NLRP12: variants seen among roughly 807,000 people sequenced by gnomAD.
NLRP12 encodes NACHT, LRR and PYD domains-containing protein 12.
NLRP12 carries 108 observed loss-of-function variants against 91.2 expected under a neutral mutation model. The observed-to-expected ratio is 1.18, with a 90% CI of 1.01 to 1.39. The LOEUF (loss-of-function observed/expected upper bound fraction) is 1.39. Among genes scored for constraint, NLRP12 ranks in the 40% most tolerant of loss-of-function variants. NLRP12 has a pLI of 0.00. For missense variants in NLRP12, 1,530 were observed against 1,352.7 expected, an observed-to-expected ratio of 1.13 and a Z score of -2.06; for synonymous variants, 613 against 566.7, an observed-to-expected ratio of 1.08 and a Z score of -1.16.
At chr19:53,807,421 G>T in intron 4 of NLRP12, 74 bp downstream of exon 4, 1 of 1,446,498 alleles carries the variant, frequency 6.9e-7, no homozygotes, top group Non-Finnish European at 9.6e-7. Context: ...TCCCGTGATA[G>T]AACCTTTGTG....
intron 1 of NLRP12, among the ~76,000 whole-genome samples, chr19:53,818,683 A>G (rs2092200469): frequency 6.6e-6 from 1 of 152,034 alleles, no homozygotes. Context: ...AAATAAATAA[A>G]AATAAAAAAG....
At chr19:53,821,040 T>C (rs1199774191) in intron 1 of NLRP12, among the ~76,000 whole-genome samples, 6 of 133,232 alleles carry the variant, frequency 4.5e-5, no homozygotes, top group Middle Eastern at 3.6e-3. Context: ...TCTTTTTTTT[T>C]TTTTTTTTTT....
chr19:53,804,152 G>A (rs764445281), intron 5 of NLRP12, 30 bp from the exon 6 acceptor site: 17 of 1,611,528 alleles, frequency 1.1e-5, no homozygotes, highest in South Asian at 6.6e-5. Context: ...TGAAGGGGAC[G>A]CCATCTTGCT....
At chr19:53,821,062 G>C in intron 1 of NLRP12, among the ~76,000 whole-genome samples, 1 of 115,888 alleles carries the variant, frequency 8.6e-6, no homozygotes, top group East Asian at 2.5e-4. Context: ...TTGAGACAGA[G>C]TCTTACTCTG....
rs749121723 is a variant in NLRP12 at position 53,794,050 on chromosome 19, C to T, written c.3185G>A (p.Ter1062=). ...VTKPYLDIGC[*] is the part of the protein sequence containing the mutation. ...GGGAGAGCCAGCAGATAGGACCATTCAGCAGCCAATGTCCAAATAAGGTTT... is the reference window on the plus strand; with the variant it reads ...GGGAGAGCCAGCAGATAGGACCATTTAGCAGCCAATGTCCAAATAAGGTTT... Residue 1062 remains the stop codon, a stop_retained_variant, in exon 10 of 10, where the codon TGA becomes TAA. Transcript: ENST00000324134. The T allele has an allele frequency of 1.2e-6, 2 of 1,611,402 alleles. No individual in the cohort carries two copies. Among genetic ancestry groups the T allele is most frequent in the Non-Finnish European group, 1.7e-6 (2 of 1,177,510 alleles).
chr19:53,799,302 G>A (rs918195801), intron 7 of NLRP12, among the ~76,000 whole-genome samples: 4 of 151,600 alleles, frequency 2.6e-5, no homozygotes, highest in African/African-American at 4.8e-5. Flanking sequence ...GAGCCACCGC[G>A]CCCAGCCGCG....
Position 53,795,919 on chromosome 19 carries a change from G to C in NLRP12, c.3038C>G (p.Thr1013Arg), listed in dbSNP as rs538392013. ...CCGCTTGCAAAGCAGTCGGACACCT[G>C]TGTCCCCTAGGGCGTTGTTGGTCAG... is the stretch of plus-strand genomic sequence containing the variant. ...LYLTNNALGD[T>R]GVRLLCKRLS... The change falls in exon 9 of 10, where the codon ACA (threonine) becomes AGA (arginine). Residue 1013 changes from threonine to arginine, a missense_variant. Coordinates refer to ENST00000324134, the MANE Select transcript of NLRP12 (RefSeq NM_144687.4). The C allele has an allele frequency of 6.2e-7, 1 of 1,614,002 alleles. No homozygotes were observed. The highest frequency in any genetic ancestry group is 1.7e-5 in the Admixed American group (1 of 59,970).
upstream of NLRP12, chr19:53,824,329 A>C (rs561400746): frequency 1.4e-6 from 1 of 713,812 alleles, no homozygotes; most frequent in Non-Finnish European, 2.4e-6. Context: ...AAGGGAGGAA[A>C]GACCTTTTGC....
rs139428590 is a variant in NLRP12 at position 53,807,936 on chromosome 19, G to A, written c.2073-271C>T. The A allele has an allele frequency of 1.3e-3, 546 of 419,080 alleles. 1 individual carries two copies. The highest frequency in any genetic ancestry group is 0.01 in the African/African-American group (504 of 49,180). 26.0% of individuals were successfully genotyped at this position (419,080 alleles called of 1,614,324 possible). A position where few individuals can be genotyped will look rare whatever the true frequency, so the allele number is the denominator to read the frequency against. On this transcript the variant is annotated intron_variant, in intron 3 of 9. Transcript: ENST00000324134. ...CAGTTAATTTTGTATTTTTAGTAGA[G>A]ATGGGGTTTCACCGTGTTGGCCAGG... is the stretch of plus-strand genomic sequence containing the variant.
In NLRP12 at chr19:53,811,097, C is replaced by A; in HGVS notation, c.562G>T (p.Gly188Ter). The part of the protein sequence containing the change: ...DTGRGHARTV[G>*]HQASPIKIET... ...ATCTTGATGGGGCTAGCCTGGTGTC[C>A]CACGGTCCTCGCGTGTCCCCGGCCT... Residue 188 changes from glycine (G) to a stop codon, truncating the protein, a stop_gained, in exon 3 of 10, where the codon GGA (glycine) becomes TGA (stop). Coordinates refer to ENST00000324134, the MANE Select transcript of NLRP12 (RefSeq NM_144687.4). LOFTEE classifies it high-confidence loss of function. The A allele has an allele frequency of 6.2e-7, 1 of 1,613,864 alleles. No individual in the cohort carries two copies. Among genetic ancestry groups the A allele is most frequent in the Non-Finnish European group, 8.5e-7 (1 of 1,179,846 alleles).
chr19:53,794,414 G>C (rs6509818), intron 9 of NLRP12, among the ~76,000 whole-genome samples: 1 of 149,298 alleles, frequency 6.7e-6, no homozygotes, highest in African/African-American at 2.5e-5. Flanking sequence ...CCACCTCCCA[G>C]GTTCAAGCGA....
Position 53,798,101 on chromosome 19 carries a change from T to C in NLRP12, c.2927+142A>G, listed in dbSNP as rs2091801449. 7 of 1,002,000 alleles carry C rather than the reference T, an allele frequency of 7.0e-6. No individual in the cohort carries two copies. In the Admixed American group the frequency reaches 7.9e-5, roughly 11 times the overall value. 62.1% of individuals were successfully genotyped at this position (1,002,000 alleles called of 1,614,324 possible). On this transcript the variant is annotated intron_variant, in intron 8 of 9. Transcript: ENST00000324134. ...AGAATAAGTTCAGAGAGACTTCCTG[T>C]CTTTTCTTTCCACCTCTCTTCTTGC... is the stretch of plus-strand genomic sequence containing the variant.
rs763026467 is a variant in NLRP12, at chr19:53,810,133, T to A, written c.1526A>T (p.Tyr509Phe). 6.2e-7 allele frequency: 1 copy of A among 1,614,186 alleles called. No individual in the cohort carries two copies. Among genetic ancestry groups the A allele is most frequent in the Non-Finnish European group, 8.5e-7 (1 of 1,180,030 alleles). ...GAAACTCAAGTGGATGAAGCTGTAG[T>A]ACCTCTCACAGTTGATGTCCTTCTG... ...IFQKDINCER[Y>F]YSFIHLSFQE... Residue 509 changes from tyrosine (Y) to phenylalanine (F), a missense_variant, in exon 3 of 10, where the codon TAC becomes TTC. Tyr to Phe is a conservative substitution (Grantham distance 22). Transcript: ENST00000324134.
rs377272907 is a variant in NLRP12 at position 53,814,908 on chromosome 19, C to T, written c.370G>A (p.Asp124Asn). 2.5e-6 allele frequency: 4 copies of T among 1,613,462 alleles called. No homozygotes were observed. The African/African-American group carries it at 4.0e-5, about 16-fold the overall frequency. The change falls in exon 2 of 10, where the codon GAT becomes AAT. Residue 124 changes from aspartate to asparagine, a missense_variant and splice_region_variant. Asp to Asn is a conservative substitution (Grantham distance 23). Coordinates refer to ENST00000324134, the MANE Select transcript of NLRP12 (RefSeq NM_144687.4). The part of the protein sequence containing the change: ...LEVSLVTPRK[D>N]PQETYRDYVR... ...TGTAGGTACATGGCTTGAGGCTCAC[C>T]TTTTCTTGGAGTGACAAGAGAGACT...
chr19:53,810,298 G>T lies in NLRP12; in HGVS notation c.1361C>A (p.Pro454His). ...GCACAACCCTCTCTGGTTGGGTGGG[G>T]GCTGGAGGCGCGGGGCCCCCGGCTT... ...QPKPGAPRLQPPPNQRGLCSL... is the reference protein window; with the variant it reads ...QPKPGAPRLQHPPNQRGLCSL... The change falls in exon 3 of 10, where the codon CCC (proline) becomes CAC (histidine). Residue 454 changes from proline to histidine, a missense_variant. Transcript: ENST00000324134. 6.2e-7 allele frequency: 1 copy of T among 1,613,914 alleles called. No homozygotes were observed. The highest frequency in any genetic ancestry group is 8.5e-7 in the Non-Finnish European group (1 of 1,180,022).
Position 53,805,476 on chromosome 19 carries a change from G to A in NLRP12, c.2244-26C>T, listed in dbSNP as rs747486803. ...CTGGGGTGGAAAAGAGGAGAAAGGA[G>A]CTGGTCATTTCTTTTGCTCCAGTTT... On this transcript the variant is annotated intron_variant, in intron 4 of 9. Transcript: ENST00000324134. 27 of 1,611,232 alleles carry A rather than the reference G, an allele frequency of 1.7e-5. No homozygotes were observed. The South Asian group carries it at 2.1e-4, about 12-fold the overall frequency.
chr19:53,819,523 A>ATGTG (rs2092224325), intron 1 of NLRP12, among the ~76,000 whole-genome samples: 1 of 85,066 alleles, frequency 1.2e-5, no homozygotes. Flanking sequence ...ATATGTGTAT[A>ATGTG]TATGTGTGTA....
chr19:53,823,395 A>AAT (rs1485429629), intron 1 of NLRP12, among the ~76,000 whole-genome samples: 1 of 134,630 alleles, frequency 7.4e-6, no homozygotes, highest in East Asian at 2.0e-4. Flanking sequence ...ACATATTTTA[A>AAT]ATATATATTT....
intron 2 of NLRP12, among the ~76,000 whole-genome samples, chr19:53,813,211 A>G (rs932453227): frequency 1.3e-5 from 2 of 150,426 alleles, no homozygotes; most frequent in African/African-American, 4.9e-5. Context: ...TGCTTTCAGC[A>G]TTCTAAACAG....
Sources: allele counts gnomAD v4.1 joint callset (sites outside exome capture counted in the v4.1 genomes callset), GRCh38; gene constraint gnomAD v4.1.1; transcripts MANE v1.5; gene names NCBI Gene and HGNC (gene_info 2026-07-23, HGNC 2026-07-21).